The following IQCM variants were observed in gnomAD, a reference collection of about 807,000 sequenced individuals.
The protein encoded by IQCM is IQ domain-containing protein M.
In IQCM, 45 loss-of-function variants were observed where a neutral mutation model predicts 57.6. That is an observed-to-expected ratio of 0.78 (90% CI 0.62 to 1.00). IQCM has a LOEUF of 1.00. IQCM is among the 50% of genes least tolerant of loss of function. IQCM has a pLI of 0.00. For missense variants in IQCM, 468 were observed against 511.6 expected (o/e 0.91, Z 0.82); for synonymous variants, 148 against 158.9 (o/e 0.93, Z 0.51).
intron 12 of IQCM, among the ~76,000 whole-genome samples, chr4:149,475,633 AG>A (rs1228754543): frequency 5.9e-5 from 9 of 152,226 alleles, no homozygotes; most frequent in African/African-American, 2.2e-4. Flanking sequence ...TGTAGCACTG[AG>A]GGGGGAAGAA....
At chr4:149,608,692 T>G (rs1463237354) in intron 8 of IQCM, among the ~76,000 whole-genome samples, 2 of 151,620 alleles carry the variant, frequency 1.3e-5, no homozygotes, top group African/African-American at 4.8e-5. Context: ...AGAAACAAAT[T>G]GAAAACTTTC....
In IQCM at chr4:149,568,760, A is replaced by G. The variant is rs570533009; in HGVS notation, c.750-4870T>C. ...TGCCATTGCACTCAGCCTGGGTGACAGAATGGGACCCTATCTCAAAATACA... is the reference window on the plus strand; with the variant it reads ...TGCCATTGCACTCAGCCTGGGTGACGGAATGGGACCCTATCTCAAAATACA... On this transcript the variant is annotated intron_variant, in intron 9 of 13. Transcript: ENST00000636793. 9.2e-5 allele frequency among the ~76,000 whole-genome samples: 14 copies of G among 152,314 alleles called. 2 individuals are homozygous for G. The highest frequency in any genetic ancestry group is 6.8e-3 in the Middle Eastern group (2 of 294).
At chr4:149,732,828 A>C (rs1197655318) in intron 5 of IQCM, among the ~76,000 whole-genome samples, 1 of 152,116 alleles carries the variant, frequency 6.6e-6, no homozygotes, top group Non-Finnish European at 1.5e-5. Context: ...TTAAGGGAAA[A>C]CTCTATAGCT....
intron 12 of IQCM, among the ~76,000 whole-genome samples, chr4:149,522,431 T>C (rs908476190): frequency 2.1e-4 from 32 of 152,158 alleles, no homozygotes; most frequent in African/African-American, 7.2e-4. Context: ...GGAGACAGAA[T>C]AGCACTTGAA....
chr4:149,638,685 C>T (rs779445526), intron 7 of IQCM, among the ~76,000 whole-genome samples: 28 of 152,114 alleles, frequency 1.8e-4, no homozygotes, highest in Non-Finnish European at 3.7e-4. Context: ...CAGCTATTGA[C>T]TAATTCCAAT....
chr4:149,613,695 A>G (rs1755516489), intron 8 of IQCM, among the ~76,000 whole-genome samples: 1 of 151,996 alleles, frequency 6.6e-6, no homozygotes, highest in African/African-American at 2.4e-5. Flanking sequence ...CATTAGGTAT[A>G]TCTCCTAATG....
At chr4:149,734,356 C>G (rs1032255342) in intron 4 of IQCM, among the ~76,000 whole-genome samples, 2 of 151,954 alleles carry the variant, frequency 1.3e-5, no homozygotes, top group Admixed American at 1.3e-4. Context: ...CTCTGAAGAC[C>G]GTGAAACATT....
intron 5 of IQCM, among the ~76,000 whole-genome samples, chr4:149,717,995 G>T (rs112671676): frequency 2.0e-5 from 3 of 152,238 alleles, no homozygotes; most frequent in African/African-American, 7.2e-5. Flanking sequence ...GTATCCATGG[G>T]GAGTATATTT....
At chr4:149,464,467 C>G (rs886134315) in intron 12 of IQCM, among the ~76,000 whole-genome samples, 4 of 152,116 alleles carry the variant, frequency 2.6e-5, no homozygotes, top group Non-Finnish European at 5.9e-5. Context: ...GGACTAAGCC[C>G]CTGGCCCCTA....
intron 3 of IQCM, among the ~76,000 whole-genome samples, chr4:149,738,368 C>T (rs968842883): frequency 3.3e-5 from 5 of 152,098 alleles, no homozygotes; most frequent in Non-Finnish European, 7.4e-5. Context: ...GCAGCTGTTT[C>T]GACTTCCCCC....
chr4:149,642,170 CA>C (rs1377485810), intron 7 of IQCM, among the ~76,000 whole-genome samples: 2 of 152,186 alleles, frequency 1.3e-5, no homozygotes, highest in East Asian at 3.9e-4. Context: ...TGCTAAGCTT[CA>C]GTAAACTTTC....
intron 2 of IQCM, among the ~76,000 whole-genome samples, chr4:149,747,620 T>C (rs569220376): frequency 3.3e-5 from 5 of 152,296 alleles, no homozygotes; most frequent in Admixed American, 1.3e-4. Context: ...CAGTAGATGA[T>C]AGGAGAACAA....
chr4:149,601,441 A>T (rs1037996912), intron 8 of IQCM, among the ~76,000 whole-genome samples: 6 of 152,188 alleles, frequency 3.9e-5, no homozygotes, highest in Non-Finnish European at 7.3e-5. Flanking sequence ...AAGGCTGTAC[A>T]TGTTCAGTAC....
chr4:149,750,272 C>T (rs1370586974), intron 2 of IQCM, among the ~76,000 whole-genome samples: 3 of 152,148 alleles, frequency 2.0e-5, no homozygotes, highest in Non-Finnish European at 4.4e-5. Flanking sequence ...CAGAAAAGTT[C>T]ACATTATTCC....
intron 7 of IQCM, among the ~76,000 whole-genome samples, chr4:149,659,515 A>G (rs969450766): frequency 6.6e-6 from 1 of 152,198 alleles, no homozygotes; most frequent in Non-Finnish European, 1.5e-5. Context: ...AAGAGCCCGC[A>G]TCGCCAAGTC....
chr4:149,615,417 G>T (rs1156775149), intron 8 of IQCM, among the ~76,000 whole-genome samples: 1 of 152,084 alleles, frequency 6.6e-6, no homozygotes, highest in African/African-American at 2.4e-5. Context: ...AGTAATACTA[G>T]AAACTGTTTC....
chr4:149,524,642 T>A (rs1745982449), intron 12 of IQCM, among the ~76,000 whole-genome samples: 2 of 151,318 alleles, frequency 1.3e-5, no homozygotes, highest in South Asian at 4.2e-4. Context: ...AAGCAAAAAA[T>A]AAAATTAGTA....
At chr4:149,548,179 C>T (rs1485029048) in intron 12 of IQCM, among the ~76,000 whole-genome samples, 2 of 152,212 alleles carry the variant, frequency 1.3e-5, no homozygotes, top group South Asian at 2.1e-4. Flanking sequence ...TCCAAAAATA[C>T]TTAAAAACTA....
Position 149,575,706 on chromosome 4 carries a change from T to C in IQCM, c.750-11816A>G, listed in dbSNP as rs1302711809. On this transcript the variant is annotated intron_variant, in intron 9 of 13. Coordinates refer to ENST00000636793, the MANE Select transcript of IQCM (RefSeq NM_001363507.2). ...CAAAGGATGGAGATTGATATCCCAT[T>C]TAAAATCTCTAAGACAATTGGAATT... Among the ~76,000 whole-genome samples the C allele has an allele frequency of 2.0e-5, 3 of 151,826 alleles. No homozygotes were observed. In the East Asian group the frequency reaches 5.8e-4, roughly 30 times the overall value.
Sources: allele counts gnomAD v4.1 joint callset (sites outside exome capture counted in the v4.1 genomes callset), GRCh38; gene constraint gnomAD v4.1.1; transcripts MANE v1.5; gene names NCBI Gene and HGNC (gene_info 2026-07-23, HGNC 2026-07-21).